The following WDR41 variants were observed in gnomAD, a reference collection of about 807,000 sequenced individuals.
WDR41 encodes the protein WD repeat-containing protein 41.
In WDR41, 63 loss-of-function variants were observed where a neutral mutation model predicts 69.3. That is an observed-to-expected ratio of 0.91 (90% CI 0.74 to 1.12). The LOEUF (loss-of-function observed/expected upper bound fraction) is 1.12, where lower values mean the gene tolerates loss of function less well. Ranked by LOEUF, WDR41 falls within the 50% of genes most tolerant of loss-of-function variation. WDR41 has a pLI of 0.00. For missense variants in WDR41, 543 were observed against 534.5 expected, an observed-to-expected ratio of 1.02 and a Z score of -0.16; for synonymous variants, 185 against 192.1, an observed-to-expected ratio of 0.96 and a Z score of 0.31.
At chr5:77,505,702 G>A (rs1802094246) in intron 1 of WDR41, among the ~76,000 whole-genome samples, 1 of 151,980 alleles carries the variant, frequency 6.6e-6, no homozygotes, top group Non-Finnish European at 1.5e-5. Flanking sequence ...TAGACCAATG[G>A]AACAGAACAG....
rs1581683420 is a variant in WDR41, at chr5:77,433,069, G to C, written c.*66C>G. 8 of 1,474,286 alleles carry C rather than the reference G, an allele frequency of 5.4e-6. No individual in the cohort carries two copies. Among genetic ancestry groups the C allele is most frequent in the Non-Finnish European group, 2.7e-6 (3 of 1,105,230 alleles). 91.3% of individuals were successfully genotyped at this position (1,474,286 alleles called of 1,614,324 possible). ...AATTTAAGTGATCAATATATTAATGGTTTTCAGAGTAGTACCCGATATTTG... is the reference window on the plus strand; with the variant it reads ...AATTTAAGTGATCAATATATTAATGCTTTTCAGAGTAGTACCCGATATTTG... On this transcript the variant is annotated 3_prime_UTR_variant, in exon 13 of 13. Coordinates refer to ENST00000296679, the MANE Select transcript of WDR41 (RefSeq NM_018268.4).
intron 1 of WDR41, among the ~76,000 whole-genome samples, chr5:77,563,344 A>G (rs1171789242): frequency 6.6e-6 from 1 of 152,012 alleles, no homozygotes; most frequent in African/African-American, 2.4e-5. Context: ...ACCACATGCT[A>G]TACCAAATTC....
At chr5:77,438,120 A>G in intron 10 of WDR41, 120 bp downstream of exon 10, 1 of 1,444,590 alleles carries the variant, frequency 6.9e-7, no homozygotes, top group South Asian at 1.3e-5. Flanking sequence ...CTCCATTTCC[A>G]AAAGAACACA....
At chr5:77,542,454 A>C (rs34693516) in intron 1 of WDR41, among the ~76,000 whole-genome samples, 2,024 of 152,344 alleles carry the variant, frequency 0.013, 19 homozygotes, top group Non-Finnish European at 0.02. Flanking sequence ...GAAATTAAAA[A>C]AGGGATAAAA....
At chr5:77,588,241 T>C (rs1326310269) in intron 1 of WDR41, among the ~76,000 whole-genome samples, 1 of 152,208 alleles carries the variant, frequency 6.6e-6, no homozygotes, top group Non-Finnish European at 1.5e-5. Context: ...CTTTTTACTC[T>C]TTTAATGGTG....
intron 1 of WDR41, among the ~76,000 whole-genome samples, chr5:77,547,739 A>G (rs1743224885): frequency 6.6e-6 from 1 of 152,152 alleles, no homozygotes; most frequent in Non-Finnish European, 1.5e-5. Context: ...TGCAATTCCC[A>G]TCAAAATACC....
chr5:77,541,848 G>A (rs554505817), intron 1 of WDR41, among the ~76,000 whole-genome samples: 12 of 152,252 alleles, frequency 7.9e-5, no homozygotes, highest in African/African-American at 2.6e-4. Context: ...CAACCATTGT[G>A]GAAGACAGTA....
At chr5:77,613,166 A>C (rs1298043259) in intron 1 of WDR41, among the ~76,000 whole-genome samples, 1,831 of 151,862 alleles carry the variant, frequency 0.012, 31 homozygotes, top group African/African-American at 0.042. Context: ...AATGGAAGAA[A>C]ATTCCATGCT....
intron 1 of WDR41, among the ~76,000 whole-genome samples, chr5:77,576,169 C>T (rs923943958): frequency 6.6e-6 from 1 of 152,078 alleles, no homozygotes; most frequent in Non-Finnish European, 1.5e-5. Flanking sequence ...CTTAGAAGAA[C>T]CCCTCGATCT....
At chr5:77,618,306 A>G (rs1318211558) in intron 1 of WDR41, among the ~76,000 whole-genome samples, 2 of 152,192 alleles carry the variant, frequency 1.3e-5, no homozygotes, top group Non-Finnish European at 2.9e-5. Flanking sequence ...GAAAAACTGT[A>G]TGAACACTCT....
chr5:77,446,627 C>A (rs1371526401), intron 8 of WDR41, among the ~76,000 whole-genome samples: 5 of 152,158 alleles, frequency 3.3e-5, no homozygotes, highest in Non-Finnish European at 5.9e-5. Flanking sequence ...CACCACACAT[C>A]TACAGCCATC....
At chr5:77,443,250 C>T (rs950573938) in intron 8 of WDR41, among the ~76,000 whole-genome samples, 2 of 151,998 alleles carry the variant, frequency 1.3e-5, no homozygotes, top group Non-Finnish European at 2.9e-5. Context: ...TATTTTGAGC[C>T]CCTGGTATTA....
intron 3 of WDR41, among the ~76,000 whole-genome samples, chr5:77,464,274 C>CTTTTTTTTTTTTTT (rs71606297): frequency 1.2e-4 from 11 of 94,222 alleles, no homozygotes; most frequent in African/African-American, 1.3e-4. Context: ...TAGGAAAAAA[C>CTTTTTTTTTTTTTT]TTTTTTTTTT....
chr5:77,462,404 C>T (rs1247330339), intron 4 of WDR41, among the ~76,000 whole-genome samples: 1 of 89,976 alleles, frequency 1.1e-5, no homozygotes, highest in African/African-American at 5.9e-5. Context: ...AGTGAAACTC[C>T]GTCTCAAAAA....
intron 2 of WDR41, among the ~76,000 whole-genome samples, chr5:77,475,576 G>A (rs549544546): frequency 3.9e-5 from 6 of 152,070 alleles, no homozygotes; most frequent in South Asian, 4.2e-4. Flanking sequence ...CACCTCACAC[G>A]GCCGGGTACT....
chr5:77,445,346 G>A (rs1332132829), intron 8 of WDR41, among the ~76,000 whole-genome samples: 1 of 152,128 alleles, frequency 6.6e-6, no homozygotes, highest in East Asian at 1.9e-4. Context: ...TTCTACCAGA[G>A]GTACAAAGAG....
At chr5:77,458,396 T>A (rs1480685451) in intron 5 of WDR41, among the ~76,000 whole-genome samples, 1 of 152,112 alleles carries the variant, frequency 6.6e-6, no homozygotes, top group African/African-American at 2.4e-5. Flanking sequence ...CAGTTATCCT[T>A]AAAGTAAATG....
chr5:77,482,550 C>T (rs778337849), intron 2 of WDR41, among the ~76,000 whole-genome samples: 4 of 151,882 alleles, frequency 2.6e-5, no homozygotes, highest in Admixed American at 6.6e-5. Context: ...CCAACATGCA[C>T]CTCTGTCCTC....
intron 1 of WDR41, among the ~76,000 whole-genome samples, chr5:77,606,985 G>T (rs2112332863): frequency 6.6e-6 from 1 of 150,934 alleles, no homozygotes; most frequent in African/African-American, 2.4e-5. Flanking sequence ...TGACTTCTGT[G>T]GGAAGGCCAT....
Sources: allele counts gnomAD v4.1 joint callset (sites outside exome capture counted in the v4.1 genomes callset), GRCh38; gene constraint gnomAD v4.1.1; transcripts MANE v1.5; gene names NCBI Gene and HGNC (gene_info 2026-07-23, HGNC 2026-07-21).